The following SLCO5A1 variants were observed in gnomAD, a reference collection of about 807,000 sequenced individuals.
The protein encoded by SLCO5A1 is organic anion transporter polypeptide-related protein 4.
In SLCO5A1, 39 loss-of-function variants were observed where a neutral mutation model predicts 65.1. That is an observed-to-expected ratio of 0.60 (90% CI 0.46 to 0.78). SLCO5A1 has a LOEUF of 0.78. SLCO5A1 is among the 30% of genes least tolerant of loss of function. SLCO5A1 has a pLI of 0.00. For synonymous variants in SLCO5A1, 438 were observed against 415.7 expected, an observed-to-expected ratio of 1.05 and a Z score of -0.65; for missense variants, 1,029 against 1,069.4, an observed-to-expected ratio of 0.96 and a Z score of 0.53.
At position 69,747,251 on chromosome 8, in the gene SLCO5A1, A is replaced by G. The variant is rs184807572; in HGVS notation, c.1258+8173T>C. On this transcript the variant is annotated intron_variant, in intron 4 of 9. Coordinates refer to ENST00000260126, the MANE Select transcript of SLCO5A1 (RefSeq NM_030958.3). Reference sequence around the variant, plus strand: ...ATATCATCACTCAGACATCTCTATAAGTTAAAATCCCATGGGTGCAAATTA... The same window carrying G: ...ATATCATCACTCAGACATCTCTATAGGTTAAAATCCCATGGGTGCAAATTA... 1.6e-4 allele frequency among the ~76,000 whole-genome samples: 24 copies of G among 152,310 alleles called. No individual in the cohort carries two copies. In the East Asian group the frequency reaches 2.7e-3, roughly 17 times the overall value.
At chr8:69,756,660 A>G (rs950936002) in intron 3 of SLCO5A1, among the ~76,000 whole-genome samples, 1 of 152,266 alleles carries the variant, frequency 6.6e-6, no homozygotes, top group Non-Finnish European at 1.5e-5. Flanking sequence ...TGTATCGGAA[A>G]GCTTCCTAAA....
At chr8:69,807,390 T>C (rs1820038795) in intron 2 of SLCO5A1, among the ~76,000 whole-genome samples, 1 of 152,244 alleles carries the variant, frequency 6.6e-6, no homozygotes, top group African/African-American at 2.4e-5. Context: ...TATTTTCAGA[T>C]ATACAATACA....
intron 4 of SLCO5A1, among the ~76,000 whole-genome samples, chr8:69,741,649 A>T (rs1224844384): frequency 6.6e-6 from 1 of 152,250 alleles, no homozygotes; most frequent in African/African-American, 2.4e-5. Context: ...CCTATTAGTG[A>T]TAGGGCAAAT....
chr8:69,782,706 C>G (rs747924157), intron 2 of SLCO5A1, among the ~76,000 whole-genome samples: 1 of 151,784 alleles, frequency 6.6e-6, no homozygotes, highest in Non-Finnish European at 1.5e-5. Flanking sequence ...TTCTATCACA[C>G]AACACTTCAA....
intron 2 of SLCO5A1, among the ~76,000 whole-genome samples, chr8:69,764,833 G>A (rs1300257679): frequency 6.6e-6 from 1 of 152,138 alleles, no homozygotes; most frequent in Admixed American, 6.5e-5. Flanking sequence ...CATGAAAGAA[G>A]CTATCTTACA....
intron 6 of SLCO5A1, among the ~76,000 whole-genome samples, chr8:69,700,049 T>C (rs1814659377): frequency 6.6e-6 from 1 of 152,234 alleles, no homozygotes; most frequent in South Asian, 2.1e-4. Context: ...TGAGCCATGA[T>C]CGTGCCACGG....
At chr8:69,707,872 G>C (rs759669693) in intron 5 of SLCO5A1, among the ~76,000 whole-genome samples, 31 of 152,242 alleles carry the variant, frequency 2.0e-4, no homozygotes, top group Non-Finnish European at 4.0e-4. Context: ...CAGCTCAATG[G>C]CCCCCATTGT....
intron 4 of SLCO5A1, among the ~76,000 whole-genome samples, chr8:69,739,710 C>G (rs1029611360): frequency 6.6e-6 from 1 of 151,868 alleles, no homozygotes; most frequent in African/African-American, 2.4e-5. Flanking sequence ...TTTAAATTAA[C>G]AATTTAAAAT....
At chr8:69,706,420 G>A (rs972096868) in intron 5 of SLCO5A1, among the ~76,000 whole-genome samples, 1 of 152,210 alleles carries the variant, frequency 6.6e-6, no homozygotes, top group Admixed American at 6.5e-5. Context: ...TGGTCTGAAT[G>A]TTTGTGTCCC....
At chr8:69,808,681 C>A (rs1021459388) in intron 2 of SLCO5A1, among the ~76,000 whole-genome samples, 1 of 152,126 alleles carries the variant, frequency 6.6e-6, no homozygotes, top group Non-Finnish European at 1.5e-5. Flanking sequence ...TGAGTTTATA[C>A]CCAGTAATGA....
chr8:69,831,758 A>G lies in SLCO5A1; in HGVS notation c.907+9T>C. On this transcript the variant is annotated intron_variant, in intron 2 of 9. Coordinates refer to ENST00000260126, the MANE Select transcript of SLCO5A1 (RefSeq NM_030958.3). ...GTGAAACATATCTGAGAGAACAGGA[A>G]AGTCTTACCTAGGTACAAGGAGGAG... is the stretch of plus-strand genomic sequence containing the variant. The G allele has an allele frequency of 6.2e-7, 1 of 1,607,790 alleles. No homozygotes were observed. Among genetic ancestry groups the G allele is most frequent in the African/African-American group, 1.3e-5 (1 of 74,614 alleles).
At chr8:69,747,227 T>TATC (rs1180206276) in intron 4 of SLCO5A1, among the ~76,000 whole-genome samples, 2 of 152,220 alleles carry the variant, frequency 1.3e-5, no homozygotes, top group African/African-American at 4.8e-5. Flanking sequence ...AACCTCGTCA[T>TATC]ATCATCACTC....
chr8:69,710,471 C>G (rs1038912701), intron 5 of SLCO5A1, among the ~76,000 whole-genome samples: 22 of 152,080 alleles, frequency 1.4e-4, no homozygotes, highest in Non-Finnish European at 2.5e-4. Context: ...ACCTCTTACA[C>G]CCAATAGGTC....
intron 2 of SLCO5A1, among the ~76,000 whole-genome samples, chr8:69,823,550 G>A (rs1024124375): frequency 6.6e-6 from 1 of 152,154 alleles, no homozygotes; most frequent in African/African-American, 2.4e-5. Context: ...TAATGGTAAA[G>A]GGATCAATTC....
intron 5 of SLCO5A1, among the ~76,000 whole-genome samples, chr8:69,712,134 G>A (rs1255269401): frequency 1.3e-5 from 2 of 152,156 alleles, no homozygotes; most frequent in Non-Finnish European, 2.9e-5. Flanking sequence ...AGAACTCACT[G>A]CAACATTAAG....
At chr8:69,689,309 GT>G (rs1814139099) in intron 6 of SLCO5A1, among the ~76,000 whole-genome samples, 1 of 100,866 alleles carries the variant, frequency 9.9e-6, no homozygotes, top group Admixed American at 9.0e-5. Flanking sequence ...TCTGATGGTA[GT>G]TTCTTTTGCT....
chr8:69,823,246 G>C (rs898254066), intron 2 of SLCO5A1, among the ~76,000 whole-genome samples: 5 of 152,106 alleles, frequency 3.3e-5, no homozygotes, highest in Non-Finnish European at 5.9e-5. Flanking sequence ...ACATCATAAA[G>C]ACAGGATCAA....
Position 69,673,060 on chromosome 8 carries a change from G to C in SLCO5A1, c.2356C>G (p.His786Asp), listed in dbSNP as rs755889350. ...GATCTAGTCCGGGCATTGTCGGGGTGTCCCACTCTCTCACTCACGGTGCTC... is the reference window on the plus strand; with the variant it reads ...GATCTAGTCCGGGCATTGTCGGGGTCTCCCACTCTCTCACTCACGGTGCTC... ...PLSTVSERVG[H>D]PDNARTRSCP... The change falls in exon 10 of 10, where the codon CAC becomes GAC. Residue 786 changes from histidine (H) to aspartate (D), a missense_variant. His to Asp is a moderately conservative substitution (Grantham distance 81). Around this residue, in one of 3 missense-constraint regions of SLCO5A1, gnomAD observed 258 missense variants for 237.4 expected, o/e 1.09. Transcript: ENST00000260126. 1 of 1,614,220 alleles carries C rather than the reference G, an allele frequency of 6.2e-7. No homozygotes were observed. The highest frequency in any genetic ancestry group is 8.5e-7 in the Non-Finnish European group (1 of 1,180,040).
chr8:69,691,300 T>C (rs1416059008), intron 6 of SLCO5A1, among the ~76,000 whole-genome samples: 1 of 152,228 alleles, frequency 6.6e-6, no homozygotes, highest in Non-Finnish European at 1.5e-5. Flanking sequence ...AAATGAAAAC[T>C]CATCAGATTT....
Sources: gnomAD v4.1 joint callset for allele counts (sites outside exome capture counted in the v4.1 genomes callset) on GRCh38, gnomAD v4.1.1 for gene constraint, gnomAD v4.1.1 regional missense constraint, MANE v1.5 for transcripts, NCBI Gene and HGNC (gene_info 2026-07-23, HGNC 2026-07-21) for gene names.